RGS7: variants seen among roughly 807,000 people sequenced by gnomAD.
The protein encoded by RGS7 is regulator of G-protein signaling 7.
RGS7 carries 27 observed loss-of-function variants against 81.1 expected under a neutral mutation model. That is an observed-to-expected ratio of 0.33 (90% CI 0.25 to 0.46). RGS7 has a LOEUF of 0.46. Ranked by LOEUF, RGS7 falls within the 20% of genes least tolerant of loss-of-function variation. RGS7 has a pLI of 1.00. For missense variants in RGS7, 396 were observed against 607.4 expected (o/e 0.65, Z 3.66); for synonymous variants, 208 against 207.7 (o/e 1.00, Z -0.01).
rs79900338 is a variant in RGS7 at position 241,286,458 on chromosome 1, C to T, written c.78+69241G>A. 1.5e-3 allele frequency among the ~76,000 whole-genome samples: 229 copies of T among 152,242 alleles called. 4 individuals are homozygous for T. In the East Asian group the frequency reaches 0.036, roughly 24 times the overall value. On this transcript the variant is annotated intron_variant, in intron 2 of 18. Transcript: ENST00000440928. The stretch of plus-strand genomic sequence containing the variant: ...CCATCTAAACCTAGTTCAGAAACAC[C>T]GCTAAGAATTCCCACCCCCAAAAAA...
chr1:240,870,586 G>A (rs967803182), intron 6 of RGS7, among the ~76,000 whole-genome samples: 1 of 152,066 alleles, frequency 6.6e-6, no homozygotes, highest in African/African-American at 2.4e-5. Context: ...GGGCTCAAGT[G>A]ATCCTTCCAC....
chr1:241,249,202 G>T (rs551504966), intron 2 of RGS7, among the ~76,000 whole-genome samples: 12 of 152,062 alleles, frequency 7.9e-5, no homozygotes, highest in African/African-American at 2.9e-4. Flanking sequence ...GAAACCTAAG[G>T]ACTCTAAGAT....
intron 2 of RGS7, among the ~76,000 whole-genome samples, chr1:241,200,870 T>C (rs2073449439): frequency 6.6e-6 from 1 of 152,218 alleles, no homozygotes; most frequent in African/African-American, 2.4e-5. Context: ...TCCTGGTTAG[T>C]TTCATCTGAT....
chr1:240,892,128 T>C (rs935346804), intron 6 of RGS7, among the ~76,000 whole-genome samples: 1 of 152,226 alleles, frequency 6.6e-6, no homozygotes, highest in African/African-American at 2.4e-5. Flanking sequence ...AATCAGAGTA[T>C]GTATAATGCA....
rs572254076 is a variant in RGS7, at chr1:240,863,051, G to A, written c.609+5536C>T. On this transcript the variant is annotated intron_variant, in intron 9 of 18. Transcript: ENST00000440928. ...TCACTGCAACCTCGAACTCCTGGCC[G>A]CAAGGAATCCTCTTAGCCTCAGCCT... Among the ~76,000 whole-genome samples, 56 of 152,052 alleles carry A rather than the reference G, an allele frequency of 3.7e-4. 2 individuals carry two copies. The East Asian group carries it at 8.9e-3, about 24-fold the overall frequency.
chr1:241,221,047 GAAAGAAAGAA>G (rs2074950816), intron 2 of RGS7, among the ~76,000 whole-genome samples: 3 of 100,278 alleles, frequency 3.0e-5, no homozygotes, highest in Admixed American at 1.1e-4. Context: ...GGAAAAGAAA[GAAAGAAAGAA>G]AGAGAGAGAG....
At chr1:240,798,808 T>C (rs1195673202) in intron 18 of RGS7, among the ~76,000 whole-genome samples, 3 of 152,302 alleles carry the variant, frequency 2.0e-5, no homozygotes, top group South Asian at 2.1e-4. Context: ...CTAGACTACA[T>C]ATTTGTTTAC....
intron 5 of RGS7, among the ~76,000 whole-genome samples, chr1:240,934,544 G>A (rs1572849141): frequency 6.6e-6 from 1 of 152,128 alleles, no homozygotes; most frequent in South Asian, 2.1e-4. Flanking sequence ...GTTTTCTGGT[G>A]TTTTTTAAAA....
chr1:241,285,342 T>G (rs2078754250), intron 2 of RGS7, among the ~76,000 whole-genome samples: 1 of 152,196 alleles, frequency 6.6e-6, no homozygotes, highest in South Asian at 2.1e-4. Context: ...TAGCATGTTA[T>G]TCCTCATGTC....
Position 241,353,744 on chromosome 1 carries a change from T to C in RGS7, c.78+1955A>G, listed in dbSNP as rs576658788. 1.2e-4 allele frequency among the ~76,000 whole-genome samples: 19 copies of C among 152,242 alleles called. 1 individual carries two copies. The South Asian group carries it at 2.7e-3, about 22-fold the overall frequency. On this transcript the variant is annotated intron_variant, in intron 2 of 18. Coordinates refer to ENST00000440928, the MANE Select transcript of RGS7 (RefSeq NM_001364886.1). ...AACAAAATAATCATGCTTTAAAAAA[T>C]GAGGTAGTACATTCTCTTCCTGAAA...
chr1:241,079,432 C>A (rs941516355), intron 3 of RGS7, among the ~76,000 whole-genome samples: 3 of 152,000 alleles, frequency 2.0e-5, no homozygotes, highest in African/African-American at 7.2e-5. Flanking sequence ...AATAAAATGT[C>A]AGGTAAGAAA....
intron 3 of RGS7, among the ~76,000 whole-genome samples, chr1:241,015,933 A>C (rs762956081): frequency 1.3e-5 from 2 of 152,322 alleles, no homozygotes; most frequent in Middle Eastern, 3.4e-3. Flanking sequence ...GCAGAACTGC[A>C]CTACATTAAG....
chr1:241,104,088 A>T (rs374014458), intron 2 of RGS7, among the ~76,000 whole-genome samples: 65 of 152,310 alleles, frequency 4.3e-4, no homozygotes, highest in African/African-American at 1.5e-3. Context: ...TCATCTGTAA[A>T]ATGGAGATAA....
intron 3 of RGS7, among the ~76,000 whole-genome samples, chr1:241,029,603 T>C (rs1420735041): frequency 6.6e-6 from 1 of 152,218 alleles, no homozygotes; most frequent in Non-Finnish European, 1.5e-5. Context: ...CAAGAATAAA[T>C]GCCATGCTTA....
chr1:240,820,651 G>A (rs1022607763), intron 10 of RGS7, among the ~76,000 whole-genome samples: 1 of 152,208 alleles, frequency 6.6e-6, no homozygotes, highest in Non-Finnish European at 1.5e-5. Context: ...GAGGGAGCTC[G>A]TTTGCCGATT....
At chr1:241,150,875 T>TCA (rs59054969) in intron 2 of RGS7, among the ~76,000 whole-genome samples, 26,787 of 152,018 alleles carry the variant, frequency 0.18, 5,844 homozygotes, top group African/African-American at 0.51. Flanking sequence ...GGTGTAGCTC[T>TCA]GTCTGAGGCC....
At chr1:241,108,102 G>A (rs954579047) in intron 2 of RGS7, among the ~76,000 whole-genome samples, 1 of 41,388 alleles carries the variant, frequency 2.4e-5, no homozygotes, top group Non-Finnish European at 4.1e-5. Flanking sequence ...AGACCAACAT[G>A]GTGAAAGCTT....
chr1:241,345,361 AAACCTGC>A (rs977445148), intron 2 of RGS7, among the ~76,000 whole-genome samples: 9 of 152,214 alleles, frequency 5.9e-5, no homozygotes, highest in African/African-American at 2.2e-4. Context: ...CCTATATATC[AAACCTGC>A]ACATGTACCC....
At chr1:240,834,697 G>C (rs1290739757) in intron 9 of RGS7, among the ~76,000 whole-genome samples, 1 of 151,946 alleles carries the variant, frequency 6.6e-6, no homozygotes, top group Non-Finnish European at 1.5e-5. Context: ...ATTTTTAGTA[G>C]AGACGGGGTT....
Sources: gnomAD v4.1 joint callset for allele counts (sites outside exome capture counted in the v4.1 genomes callset) on GRCh38, gnomAD v4.1.1 for gene constraint, MANE v1.5 for transcripts, NCBI Gene and HGNC (gene_info 2026-07-23, HGNC 2026-07-21) for gene names.